The following UBE2E2 variants were observed in gnomAD, a reference collection of about 807,000 sequenced individuals.
UBE2E2 encodes the protein ubiquitin-conjugating enzyme E2 E2.
In UBE2E2, 6 loss-of-function variants were observed where a neutral mutation model predicts 24.7. That is an observed-to-expected ratio of 0.24 (90% CI 0.13 to 0.48). The LOEUF (loss-of-function observed/expected upper bound fraction) is 0.48, where lower values mean the gene tolerates loss of function less well. Among genes scored for constraint, UBE2E2 ranks in the 20% least tolerant of loss-of-function variants. The pLI is 0.99. For missense variants in UBE2E2, 169 were observed against 245.0 expected (o/e 0.69, Z 2.07); for synonymous variants, 104 against 83.6 (o/e 1.24, Z -1.33).
intron 3 of UBE2E2, among the ~76,000 whole-genome samples, chr3:23,225,884 T>G (rs1272467190): frequency 6.6e-6 from 1 of 151,986 alleles, no homozygotes; most frequent in African/African-American, 2.4e-5. Context: ...TTTTTTTTTT[T>G]TGTTTTTGTT....
intron 3 of UBE2E2, among the ~76,000 whole-genome samples, chr3:23,470,603 CTTAGT>C (rs1699013878): frequency 6.6e-6 from 1 of 152,084 alleles, no homozygotes; most frequent in African/African-American, 2.4e-5. Context: ...TCTTTGTAAA[CTTAGT>C]TTAAATTTTC....
chr3:23,290,774 C>T (rs926359447), intron 3 of UBE2E2, among the ~76,000 whole-genome samples: 1 of 150,826 alleles, frequency 6.6e-6, no homozygotes, highest in Non-Finnish European at 1.5e-5. Flanking sequence ...TGTTTCTGGC[C>T]AGGCGTGGTG....
chr3:23,426,523 G>A (rs1697929768), intron 3 of UBE2E2, among the ~76,000 whole-genome samples: 2 of 151,882 alleles, frequency 1.3e-5, no homozygotes, highest in South Asian at 4.1e-4. Flanking sequence ...AGGGAGACCT[G>A]ACTTAGAGAA....
intron 3 of UBE2E2, among the ~76,000 whole-genome samples, chr3:23,370,465 GGGAATTTAGGAA>G (rs1279077223): frequency 6.6e-6 from 1 of 152,118 alleles, no homozygotes; most frequent in Non-Finnish European, 1.5e-5. Flanking sequence ...TTATAGAAGT[GGGAATTTAGGAA>G]GAGGGAATGC....
At chr3:23,213,127 TA>T (rs1559440975) in intron 2 of UBE2E2, among the ~76,000 whole-genome samples, 1 of 152,118 alleles carries the variant, frequency 6.6e-6, no homozygotes, top group Non-Finnish European at 1.5e-5. Context: ...TGAAGGGTTT[TA>T]AAAAAATTCC....
intron 3 of UBE2E2, among the ~76,000 whole-genome samples, chr3:23,469,261 T>A (rs1413670677): frequency 6.6e-6 from 1 of 152,212 alleles, no homozygotes; most frequent in Admixed American, 6.5e-5. Context: ...ACATATCAAT[T>A]TGTGGGGGAC....
At chr3:23,473,327 A>C (rs1575653047) in intron 3 of UBE2E2, among the ~76,000 whole-genome samples, 1 of 152,104 alleles carries the variant, frequency 6.6e-6, no homozygotes, top group East Asian at 1.9e-4. Flanking sequence ...TCATTATTCA[A>C]AATCAGTTTA....
chr3:23,498,439 TC>T (rs1409160491), intron 3 of UBE2E2, among the ~76,000 whole-genome samples: 1 of 152,190 alleles, frequency 6.6e-6, no homozygotes, highest in Non-Finnish European at 1.5e-5. Context: ...AATTTTAAAA[TC>T]AACTTGTCGA....
chr3:23,229,710 G>T (rs1696923692), intron 3 of UBE2E2, among the ~76,000 whole-genome samples: 1 of 152,182 alleles, frequency 6.6e-6, no homozygotes, highest in Non-Finnish European at 1.5e-5. Flanking sequence ...CTCTAGAACA[G>T]CACTGTCCCA....
chr3:23,539,875 A>G (rs1249576622), intron 5 of UBE2E2, among the ~76,000 whole-genome samples: 1 of 152,178 alleles, frequency 6.6e-6, no homozygotes, highest in African/African-American at 2.4e-5. Flanking sequence ...TATAGGAAAT[A>G]TTAGGTAAAA....
intron 2 of UBE2E2, among the ~76,000 whole-genome samples, chr3:23,212,150 ATAT>A (rs1316464086): frequency 6.6e-6 from 1 of 152,152 alleles, no homozygotes; most frequent in African/African-American, 2.4e-5. Context: ...CTCATTTGTG[ATAT>A]TATAGAATAG....
chr3:23,262,362 C>T (rs549689960), intron 3 of UBE2E2, among the ~76,000 whole-genome samples: 2 of 152,070 alleles, frequency 1.3e-5, no homozygotes, highest in Non-Finnish European at 2.9e-5. Flanking sequence ...CCCATTGCAG[C>T]CAACTCCTGG....
intron 3 of UBE2E2, among the ~76,000 whole-genome samples, chr3:23,318,937 G>A (rs1040763951): frequency 1.3e-5 from 2 of 152,134 alleles, no homozygotes; most frequent in African/African-American, 4.8e-5. Flanking sequence ...TCTTTACATA[G>A]TTTTGAGTAT....
chr3:23,287,095 G>A (rs1039362189), intron 3 of UBE2E2, among the ~76,000 whole-genome samples: 1 of 151,940 alleles, frequency 6.6e-6, no homozygotes, highest in African/African-American at 2.4e-5. Flanking sequence ...TTATGTTGAG[G>A]TGTATTCCTT....
chr3:23,243,961 C>T (rs989434486), intron 3 of UBE2E2, among the ~76,000 whole-genome samples: 1 of 151,848 alleles, frequency 6.6e-6, no homozygotes, highest in African/African-American at 2.4e-5. Context: ...TTAGTTGCCA[C>T]TCCATATCAG....
intron 5 of UBE2E2, among the ~76,000 whole-genome samples, chr3:23,554,556 C>CTA (rs1695728038): frequency 6.6e-6 from 1 of 152,082 alleles, no homozygotes; most frequent in South Asian, 2.1e-4. Flanking sequence ...TTATCTTACA[C>CTA]TATACACGAA....
chr3:23,291,482 T>C (rs1698763513), intron 3 of UBE2E2, among the ~76,000 whole-genome samples: 1 of 152,160 alleles, frequency 6.6e-6, no homozygotes, highest in Non-Finnish European at 1.5e-5. Flanking sequence ...AATACTGCAT[T>C]TGTTACTCAG....
At chr3:23,499,519 T>C (rs1013762642) in intron 3 of UBE2E2, 89 bp from the exon 4 acceptor site, 20 of 1,484,208 alleles carry the variant, frequency 1.3e-5, no homozygotes, top group African/African-American at 2.8e-5. Context: ...TTTTATGGAA[T>C]TGCTCAATTG....
chr3:23,229,296 T>G lies in UBE2E2; in HGVS notation c.227+11984T>G, dbSNP rs550944108. On this transcript the variant is annotated intron_variant, in intron 3 of 5. Transcript: ENST00000396703. ...CAGTAGTTTTATTATTTATTTTAAG[T>G]TTTTTATTTCCATAGGTTTTTTGGG... is the stretch of plus-strand genomic sequence containing the variant. Among the ~76,000 whole-genome samples, 3 of 152,294 alleles carry G rather than the reference T, an allele frequency of 2.0e-5. No homozygotes were observed. In the South Asian group the frequency reaches 6.2e-4, roughly 32 times the overall value.
Sources: gnomAD v4.1 joint callset for allele counts (sites outside exome capture counted in the v4.1 genomes callset) on GRCh38, gnomAD v4.1.1 for gene constraint, MANE v1.5 for transcripts, NCBI Gene and HGNC (gene_info 2026-07-23, HGNC 2026-07-21) for gene names.